The following GNA12 variants were observed in gnomAD, a reference collection of about 807,000 sequenced individuals.
GNA12 encodes the protein G protein subunit alpha 12, also known as guanine nucleotide-binding protein subunit alpha-12.
A neutral mutation model predicts 26.0 loss-of-function variants in GNA12; 9 were observed. That is an observed-to-expected ratio of 0.35 (90% CI 0.21 to 0.60). GNA12 has a LOEUF of 0.60. Among genes scored for constraint, GNA12 ranks in the 20% least tolerant of loss-of-function variants. The pLI is 0.78. For synonymous variants in GNA12, 264 were observed against 219.6 expected, an observed-to-expected ratio of 1.20 and a Z score of -1.79; for missense variants, 405 against 525.8, an observed-to-expected ratio of 0.77 and a Z score of 2.25.
intron 2 of GNA12, among the ~76,000 whole-genome samples, chr7:2,740,240 T>C (rs1309667945): frequency 6.6e-6 from 1 of 152,178 alleles, no homozygotes; most frequent in African/African-American, 2.4e-5. Flanking sequence ...ATAGACTGCA[T>C]GTTTGTATGC....
rs768130678 is a variant in GNA12, at chr7:2,731,792, A to C, written c.577-42T>G. 1 of 1,038,950 alleles carries C rather than the reference A, an allele frequency of 9.6e-7. No individual in the cohort carries two copies. The highest frequency in any genetic ancestry group is 1.4e-6 in the Non-Finnish European group (1 of 731,604). 64.4% of individuals were successfully genotyped at this position (1,038,950 alleles called of 1,614,324 possible). The stretch of plus-strand genomic sequence containing the variant: ...GAGGCAGAAATTTAGGGGGAGGAAG[A>C]AAGAACAGAGAAAATAGAAACAAAA... On this transcript the variant is annotated intron_variant, in intron 3 of 3. Transcript: ENST00000275364. The surrounding 1 kb of genome is among the most constrained non-coding windows in gnomAD (Gnocchi z 6.0).
chr7:2,783,993 T>G (rs564327276), intron 2 of GNA12, among the ~76,000 whole-genome samples: 22 of 152,226 alleles, frequency 1.4e-4, no homozygotes, highest in Middle Eastern at 3.4e-3. Flanking sequence ...CCTAATAAAT[T>G]TATTTTTAAC....
chr7:2,750,888 G>A (rs530749678), intron 2 of GNA12, among the ~76,000 whole-genome samples: 2 of 152,312 alleles, frequency 1.3e-5, no homozygotes, highest in Non-Finnish European at 2.9e-5. Context: ...ATTAATATGA[G>A]GGTGCGAATG....
At chr7:2,803,411 G>A (rs1390420788) in intron 1 of GNA12, among the ~76,000 whole-genome samples, 2 of 152,234 alleles carry the variant, frequency 1.3e-5, no homozygotes, top group South Asian at 2.1e-4. Context: ...AGGAGGCAGG[G>A]AAGGAGCAGC....
In GNA12 at chr7:2,812,636, A is replaced by AACATCACATCATCACATCACATC. The variant is rs1554262402; in HGVS notation, c.310-17494_310-17493insGATGTGATGTGATGATGTGATGT. ...AAGAGTGAAACTCCATCTCAAAAAT[A>AACATCACATCATCACATCACATC]ACATCACATCACATCACATCACATC... On this transcript the variant is annotated intron_variant, in intron 1 of 3. Transcript: ENST00000275364. Among the ~76,000 whole-genome samples, 6 of 134,094 alleles carry AACATCACATCATCACATCACATC rather than the reference A, an allele frequency of 4.5e-5. No homozygotes were observed. In the South Asian group the frequency reaches 7.7e-4, roughly 17 times the overall value. The allele number at this position is 134,094 out of a possible 152,430, so 88.0% of individuals were successfully genotyped here.
chr7:2,731,171 G>T lies in GNA12; in HGVS notation c.*10C>A. 1 of 1,587,604 alleles carries T rather than the reference G, an allele frequency of 6.3e-7. No individual in the cohort carries two copies. Among genetic ancestry groups the T allele is most frequent in the Non-Finnish European group, 8.6e-7 (1 of 1,161,856 alleles). ...CTGCTCAACGACGACAAACCCCGGG[G>T]CTTCCTCGCTCACTGCAGCATGATG... On this transcript the variant is annotated 3_prime_UTR_variant, in exon 4 of 4. Coordinates refer to ENST00000275364, the MANE Select transcript of GNA12 (RefSeq NM_007353.3). The surrounding 1 kb of genome is among the most constrained non-coding windows in gnomAD (Gnocchi z 6.0).
At chr7:2,749,231 A>C (rs1038018225) in intron 2 of GNA12, among the ~76,000 whole-genome samples, 3 of 152,192 alleles carry the variant, frequency 2.0e-5, no homozygotes, top group Non-Finnish European at 4.4e-5. Context: ...TTGCGGCACT[A>C]TTCACAATAG....
intron 2 of GNA12, chr7:2,764,956 T>C (rs1791742938): frequency 1.3e-5 from 2 of 152,238 alleles, no homozygotes; most frequent in South Asian, 4.1e-4. Flanking sequence ...CAACTGCATT[T>C]TGTACGGTGG....
At chr7:2,759,484 G>A (rs1791458280) in intron 2 of GNA12, among the ~76,000 whole-genome samples, 1 of 152,218 alleles carries the variant, frequency 6.6e-6, no homozygotes, top group Non-Finnish European at 1.5e-5. Context: ...CAAGTGGTAA[G>A]TTACTACTGT....
intron 1 of GNA12, among the ~76,000 whole-genome samples, chr7:2,828,648 G>A (rs983578729): frequency 2.0e-5 from 3 of 152,230 alleles, no homozygotes; most frequent in Non-Finnish European, 4.4e-5. Flanking sequence ...AAAACACCAG[G>A]AAAGGGAAAA....
chr7:2,804,819 G>T (rs1792903507), intron 1 of GNA12, among the ~76,000 whole-genome samples: 1 of 152,010 alleles, frequency 6.6e-6, no homozygotes, highest in African/African-American at 2.4e-5. Context: ...AGCGCTTTGG[G>T]AAGCCGAGGC....
chr7:2,748,917 T>C (rs377348858), intron 2 of GNA12, among the ~76,000 whole-genome samples: 2 of 152,152 alleles, frequency 1.3e-5, no homozygotes, highest in Admixed American at 6.5e-5. Flanking sequence ...AAAATGCTCA[T>C]CATCACTGGC....
chr7:2,798,092 T>A (rs138141602), intron 1 of GNA12, among the ~76,000 whole-genome samples: 70 of 152,312 alleles, frequency 4.6e-4, no homozygotes, highest in African/African-American at 1.5e-3. Flanking sequence ...AAGACAAAGA[T>A]GCCTACTTCT....
chr7:2,805,772 G>A (rs969607648), intron 1 of GNA12, among the ~76,000 whole-genome samples: 3 of 152,202 alleles, frequency 2.0e-5, no homozygotes, highest in African/African-American at 4.8e-5. Context: ...GACATTTTGT[G>A]CATTCAGACA....
At chr7:2,733,023 T>C (rs1233353915) in intron 3 of GNA12, among the ~76,000 whole-genome samples, 1 of 152,154 alleles carries the variant, frequency 6.6e-6, no homozygotes, top group African/African-American at 2.4e-5. Flanking sequence ...CGGTTGTCAT[T>C]TTTCGTCTTG....
intron 1 of GNA12, among the ~76,000 whole-genome samples, chr7:2,825,348 C>T (rs1445511668): frequency 1.3e-5 from 2 of 152,210 alleles, no homozygotes; most frequent in Non-Finnish European, 2.9e-5. Flanking sequence ...ACAATCTATA[C>T]AGGTCACCCC....
intron 1 of GNA12, among the ~76,000 whole-genome samples, chr7:2,811,068 T>C (rs953976150): frequency 6.6e-6 from 1 of 152,016 alleles, no homozygotes; most frequent in African/African-American, 2.4e-5. Context: ...AGTCGTCAAG[T>C]GAGGGGATTT....
At chr7:2,783,269 T>C (rs1198757426) in intron 2 of GNA12, among the ~76,000 whole-genome samples, 1 of 152,216 alleles carries the variant, frequency 6.6e-6, no homozygotes, top group African/African-American at 2.4e-5. Flanking sequence ...TTGGGTATGT[T>C]ATCTGTTTGG....
chr7:2,750,758 C>T (rs798501), intron 2 of GNA12, among the ~76,000 whole-genome samples: 83,689 of 152,008 alleles, frequency 0.55, 23,629 homozygotes, highest in Non-Finnish European at 0.62. Flanking sequence ...GGGGGACTAT[C>T]GGACAGGCAT....
Sources: allele counts gnomAD v4.1 joint callset (sites outside exome capture counted in the v4.1 genomes callset), GRCh38; gene constraint gnomAD v4.1.1; non-coding constraint Gnocchi (gnomAD v3.1); transcripts MANE v1.5; gene names NCBI Gene and HGNC (gene_info 2026-07-23, HGNC 2026-07-21).